MLYCD: variants seen among roughly 807,000 people sequenced by gnomAD.
MLYCD encodes malonyl-CoA decarboxylase.
MLYCD carries 27 observed loss-of-function variants against 35.8 expected under a neutral mutation model. The ratio of observed to expected loss-of-function variants is 0.75; its 90% confidence interval spans 0.56 to 1.04. The LOEUF (loss-of-function observed/expected upper bound fraction) is 1.04. MLYCD is among the 50% of genes least tolerant of loss of function. The pLI, the probability that MLYCD is intolerant of heterozygous loss-of-function variation, is 0.00. For synonymous variants in MLYCD, 403 were observed against 302.4 expected, an observed-to-expected ratio of 1.33 and a Z score of -3.45; for missense variants, 917 against 665.1, an observed-to-expected ratio of 1.38 and a Z score of -4.17.
At chr16:83,906,582 A>G (rs993840793) in intron 1 of MLYCD, among the ~76,000 whole-genome samples, 1 of 152,184 alleles carries the variant, frequency 6.6e-6, no homozygotes, top group African/African-American at 2.4e-5. Context: ...TCCCGAGAGG[A>G]TGAGGACAGT....
rs749380424 is a variant in MLYCD at position 83,899,583 on chromosome 16, C to G, written c.439C>G (p.Leu147Val). The change falls in exon 1 of 5, where the codon CTG (leucine) becomes GTG (valine). Residue 147 changes from leucine (L) to valine (V), a missense_variant. Transcript: ENST00000262430. Reference protein sequence around the residue: ...YRGLFHHISKLDGGVRFLVQL... With the variant: ...YRGLFHHISKVDGGVRFLVQL... ...CGGCCTCTTCCACCACATCAGCAAG[C>G]TGGACGGCGGCGTGCGCTTCCTGGT... 8 of 1,591,680 alleles carry G rather than the reference C, an allele frequency of 5.0e-6. No individual in the cohort carries two copies. The African/African-American group carries it at 8.1e-5, about 16-fold the overall frequency.
chr16:83,916,306 G>GA lies in MLYCD; in HGVS notation c.*819dup. 3 of 537,866 alleles carry GA rather than the reference G, an allele frequency of 5.6e-6. No individual in the cohort carries two copies. The highest frequency in any genetic ancestry group is 7.2e-6 in the Non-Finnish European group (3 of 419,576). The allele number at this position is 537,866 out of a possible 1,614,324, so 33.3% of individuals were successfully genotyped here. A position where few individuals can be genotyped will look rare whatever the true frequency, so the allele number is the denominator to read the frequency against. On this transcript the variant is annotated 3_prime_UTR_variant, in exon 5 of 5. Transcript: ENST00000262430. ...GGGTGTGTTGGATGAGAACAAAGGT[G>GA]AAGGAAGGGGCAGTCATTGTGCTTG...
At chr16:83,907,742 G>T (rs906140574) in intron 2 of MLYCD, among the ~76,000 whole-genome samples, 6 of 152,130 alleles carry the variant, frequency 3.9e-5, no homozygotes, top group African/African-American at 1.4e-4. Flanking sequence ...GAGATTGCTG[G>T]AAGACACCAG....
Position 83,907,104 on chromosome 16 carries a change from G to A in MLYCD, c.641+5G>A. ...AGTGCTTCAGAAAATCAGTGAGTAA[G>A]TATTACGGTTTTCATTTTCTTTGTA... On this transcript the variant is annotated splice_donor_5th_base_variant and intron_variant, in intron 2 of 4. Coordinates refer to ENST00000262430, the MANE Select transcript of MLYCD (RefSeq NM_012213.3). The A allele has an allele frequency of 6.2e-7, 1 of 1,604,206 alleles. No individual in the cohort carries two copies. The highest frequency in any genetic ancestry group is 8.5e-7 in the Non-Finnish European group (1 of 1,170,952).
At chr16:83,908,964 G>C (rs1225199332) in intron 3 of MLYCD, among the ~76,000 whole-genome samples, 3 of 152,208 alleles carry the variant, frequency 2.0e-5, no homozygotes, top group Non-Finnish European at 2.9e-5. Flanking sequence ...GTGGCTGTTA[G>C]GAAGCTAAGT....
Position 83,917,378 on chromosome 16 carries a change from CACGTGCATGTGCAT to C in MLYCD, c.*1890_*1903del, listed in dbSNP as rs1771068810. 6.5e-6 allele frequency: 1 copy of C among 154,542 alleles called. No individual in the cohort carries two copies. The allele number at this position is 154,542 out of a possible 1,614,324, so 9.6% of individuals were successfully genotyped here. On this transcript the variant is annotated 3_prime_UTR_variant, in exon 5 of 5. Coordinates refer to ENST00000262430, the MANE Select transcript of MLYCD (RefSeq NM_012213.3). The stretch of plus-strand genomic sequence containing the variant: ...ATCAGTGCACGTCTGTGCATGTGCA[CACGTGCATGTGCAT>C]GTGCTTACACGTCTTTGTGTGTCTG...
At position 83,923,008 on chromosome 16, in the gene MLYCD, A is replaced by T. The variant is rs1440726196; in HGVS notation, c.*7519A>T. 1 of 152,224 alleles carries T rather than the reference A, an allele frequency of 6.6e-6. No homozygotes were observed. Among genetic ancestry groups the T allele is most frequent in the Non-Finnish European group, 1.5e-5 (1 of 68,096 alleles). 9.4% of individuals were successfully genotyped at this position (152,224 alleles called of 1,614,324 possible). On this transcript the variant is annotated 3_prime_UTR_variant, in exon 5 of 5. Coordinates refer to ENST00000262430, the MANE Select transcript of MLYCD (RefSeq NM_012213.3). ...AGCCCAGGCCACCGGCTAGCTCCAG[A>T]CTGGCTCTGCAGGGCCTCAGAATCT... is the stretch of plus-strand genomic sequence containing the variant.
chr16:83,914,974 G>C lies in MLYCD; in HGVS notation c.967G>C (p.Gly323Arg). ...TTTACAGAGAGAGTTTCCTCACCTT[G>C]GGGTGTTTTCAAGTCTGTCACCTAT... ...KELQREFPHL[G>R]VFSSLSPIPG... The change falls in exon 5 of 5, where the codon GGG (glycine) becomes CGG (arginine). Residue 323 changes from glycine to arginine, a missense_variant. Physicochemically the swap from Gly to Arg is moderately radical, Grantham distance 125 (BLOSUM62 -2). Coordinates refer to ENST00000262430, the MANE Select transcript of MLYCD (RefSeq NM_012213.3). 1 of 1,614,184 alleles carries C rather than the reference G, an allele frequency of 6.2e-7. No homozygotes were observed. Among genetic ancestry groups the C allele is most frequent in the Non-Finnish European group, 8.5e-7 (1 of 1,180,042 alleles).
intron 3 of MLYCD, 121 bp downstream of exon 3, chr16:83,908,403 T>C: frequency 1.6e-6 from 2 of 1,284,120 alleles, no homozygotes; most frequent in South Asian, 3.0e-5. Flanking sequence ...TAAATGGTTT[T>C]GGGCTTTTTT....
At chr16:83,903,114 C>G (rs1370067273) in intron 1 of MLYCD, among the ~76,000 whole-genome samples, 5 of 152,096 alleles carry the variant, frequency 3.3e-5, no homozygotes, top group African/African-American at 1.2e-4. Flanking sequence ...TGTGGGCACT[C>G]GAGGAAGGTT....
chr16:83,915,664 T>C lies in MLYCD; in HGVS notation c.*175T>C. On this transcript the variant is annotated 3_prime_UTR_variant, in exon 5 of 5. Coordinates refer to ENST00000262430, the MANE Select transcript of MLYCD (RefSeq NM_012213.3). ...GCCTCAACTTCCCTCACCCTGGGCG[T>C]GACATGCACCCAGTGCAAGACGGTT... is the stretch of plus-strand genomic sequence containing the variant. 6.7e-7 allele frequency: 1 copy of C among 1,497,610 alleles called. No individual in the cohort carries two copies. Among genetic ancestry groups the C allele is most frequent in the Non-Finnish European group, 8.9e-7 (1 of 1,126,716 alleles). The allele number at this position is 1,497,610 out of a possible 1,614,324, so 92.8% of individuals were successfully genotyped here.
Position 83,925,627 on chromosome 16 carries a change from CCT to C in MLYCD, c.*10142_*10143del, listed in dbSNP as rs932421331. 6.6e-6 allele frequency: 1 copy of C among 151,734 alleles called. No individual in the cohort carries two copies. Among genetic ancestry groups the C allele is most frequent in the Non-Finnish European group, 1.5e-5 (1 of 68,188 alleles). The allele number at this position is 151,734 out of a possible 1,614,324, so 9.4% of individuals were successfully genotyped here. ...CTGTCACACACAGCCCCCTCCGTGG[CCT>C]CTCAAGCCTGCTGTGGCCTGACCCT... On this transcript the variant is annotated 3_prime_UTR_variant, in exon 5 of 5. Transcript: ENST00000262430.
In MLYCD at chr16:83,899,273, G is replaced by C; in HGVS notation, c.129G>C (p.Leu43=). 6.8e-7 allele frequency: 1 copy of C among 1,464,224 alleles called. No homozygotes were observed. The highest frequency in any genetic ancestry group is 9.0e-7 in the Non-Finnish European group (1 of 1,113,092). The allele number at this position is 1,464,224 out of a possible 1,614,324, so 90.7% of individuals were successfully genotyped here. A position where few individuals can be genotyped will look rare whatever the true frequency, so the allele number is the denominator to read the frequency against. The part of the protein sequence containing the change: ...AGALERAMDE[L]LRRAVPPTPA... ...CCCTGGAGCGGGCCATGGACGAGCT[G>C]CTGCGCCGCGCGGTGCCGCCGACGC... The change falls in exon 1 of 5, where the codon CTG becomes CTC. Residue 43 remains leucine (L), a synonymous_variant. Transcript: ENST00000262430.
intron 1 of MLYCD, among the ~76,000 whole-genome samples, chr16:83,899,886 C>T (rs1242705993): frequency 1.3e-5 from 2 of 152,246 alleles, no homozygotes; most frequent in East Asian, 3.8e-4. Context: ...CCAGTCTGTC[C>T]TTGAAGTCCT....
chr16:83,922,448 A>T lies in MLYCD; in HGVS notation c.*6959A>T, dbSNP rs918340812. 5 of 152,198 alleles carry T rather than the reference A, an allele frequency of 3.3e-5. No individual in the cohort carries two copies. The highest frequency in any genetic ancestry group is 9.7e-5 in the African/African-American group (4 of 41,404). 9.4% of individuals were successfully genotyped at this position (152,198 alleles called of 1,614,324 possible). ...GGGGTGCACCTGCTCTCACCTGTTCATGGGCTCCTTTTTCTTCTGAAATGC... is the reference window on the plus strand; with the variant it reads ...GGGGTGCACCTGCTCTCACCTGTTCTTGGGCTCCTTTTTCTTCTGAAATGC... On this transcript the variant is annotated 3_prime_UTR_variant, in exon 5 of 5. Transcript: ENST00000262430.
At chr16:83,912,651 T>G in intron 4 of MLYCD, 1 of 448,908 alleles carries the variant, frequency 2.2e-6, no homozygotes, top group Non-Finnish European at 4.2e-6. Context: ...GGTGACCTCG[T>G]TCTGACCTGG....
rs1907339695 is a variant in MLYCD, at chr16:83,915,324, G to A, written c.1317G>A (p.Val439=). Reference sequence around the variant, plus strand: ...GGCGCATCAACTGGATGGCGGATGTGAGCCTCAGAGGCATCACCGGCTCCT... The same window carrying A: ...GGCGCATCAACTGGATGGCGGATGTAAGCCTCAGAGGCATCACCGGCTCCT... The part of the protein sequence containing the change: ...VLWRINWMAD[V]SLRGITGSCG... The change falls in exon 5 of 5, where the codon GTG becomes GTA. Residue 439 remains valine (V), a synonymous_variant. Transcript: ENST00000262430. 6.2e-7 allele frequency: 1 copy of A among 1,613,968 alleles called. No homozygotes were observed. The highest frequency in any genetic ancestry group is 1.1e-5 in the South Asian group (1 of 91,086).
At position 83,899,137 on chromosome 16, in the gene MLYCD, G is replaced by T. The variant is rs2151053052; in HGVS notation, c.-8G>T. On this transcript the variant is annotated 5_prime_UTR_variant, in exon 1 of 5. Coordinates refer to ENST00000262430, the MANE Select transcript of MLYCD (RefSeq NM_012213.3). ...GGCGCTCCCCCTCGGCAGCTGTTGTGGGGCACCATGCGAGGCTTCGGGCCA... is the reference window on the plus strand; with the variant it reads ...GGCGCTCCCCCTCGGCAGCTGTTGTTGGGCACCATGCGAGGCTTCGGGCCA... 1 of 1,129,884 alleles carries T rather than the reference G, an allele frequency of 8.9e-7. No homozygotes were observed. The highest frequency in any genetic ancestry group is 1.1e-6 in the Non-Finnish European group (1 of 925,818). 70.0% of individuals were successfully genotyped at this position (1,129,884 alleles called of 1,614,324 possible). A position where few individuals can be genotyped will look rare whatever the true frequency, so the allele number is the denominator to read the frequency against.
rs3815807 is a variant in MLYCD at position 83,907,245 on chromosome 16, A to C, written c.641+146A>C. ...TAAAATCCAAACACAGTATTTGCAAATGCTGCGGCTGTCACCACACATGAT... is the reference window on the plus strand; with the variant it reads ...TAAAATCCAAACACAGTATTTGCAACTGCTGCGGCTGTCACCACACATGAT... On this transcript the variant is annotated intron_variant, in intron 2 of 4. Coordinates refer to ENST00000262430, the MANE Select transcript of MLYCD (RefSeq NM_012213.3). The C allele has an allele frequency of 1.5e-5, 11 of 738,212 alleles. No individual in the cohort carries two copies. The South Asian group carries it at 1.5e-4, about 10-fold the overall frequency. 45.7% of individuals were successfully genotyped at this position (738,212 alleles called of 1,614,324 possible). A position where few individuals can be genotyped will look rare whatever the true frequency, so the allele number is the denominator to read the frequency against.
Sources: allele counts gnomAD v4.1 joint callset (sites outside exome capture counted in the v4.1 genomes callset), GRCh38; gene constraint gnomAD v4.1.1; transcripts MANE v1.5; gene names NCBI Gene and HGNC (gene_info 2026-07-23, HGNC 2026-07-21).